The following DPEP3 variants were observed in gnomAD, a reference collection of about 807,000 sequenced individuals.
DPEP3 encodes dipeptidase 3.
In DPEP3, 42 loss-of-function variants were observed where a neutral mutation model predicts 47.5. That is an observed-to-expected ratio of 0.88 (90% CI 0.69 to 1.14). DPEP3 has a LOEUF of 1.14. Among genes scored for constraint, DPEP3 ranks in the 50% most tolerant of loss-of-function variants. The pLI is 0.00. For synonymous variants in DPEP3, 276 were observed against 270.2 expected, an observed-to-expected ratio of 1.02 and a Z score of -0.21; for missense variants, 560 against 635.0, an observed-to-expected ratio of 0.88 and a Z score of 1.27.
Position 67,975,750 on chromosome 16 carries a change from CGG to C in DPEP3, c.*13_*14del, listed in dbSNP as rs1567433203. 1 of 1,602,358 alleles carries C rather than the reference CGG, an allele frequency of 6.2e-7. No homozygotes were observed. Among genetic ancestry groups the C allele is most frequent in the Non-Finnish European group, 8.5e-7 (1 of 1,174,254 alleles). Reference sequence around the variant, plus strand: ...TGAGGCTTTGCCACAGTGACCTCTGCGGGGACCGACTGTGTCAGCAGAGCCAC... The same window carrying C: ...TGAGGCTTTGCCACAGTGACCTCTGCGGACCGACTGTGTCAGCAGAGCCAC... On this transcript the variant is annotated 3_prime_UTR_variant, in exon 10 of 10. Coordinates refer to ENST00000268793, the MANE Select transcript of DPEP3 (RefSeq NM_001370198.1).
In DPEP3 at chr16:67,980,178, C is replaced by A; in HGVS notation, c.203G>T (p.Gly68Val). 6.2e-7 allele frequency: 1 copy of A among 1,611,558 alleles called. No individual in the cohort carries two copies. Among genetic ancestry groups the A allele is most frequent in the African/African-American group, 1.3e-5 (1 of 74,946 alleles). ...TTTGGGGGTGCCTGGCGTAGTGAGGCCTGGGGTAGTGAGGGCGCTGGGGAC... is the reference window on the plus strand; with the variant it reads ...TTTGGGGGTGCCTGGCGTAGTGAGGACTGGGGTAGTGAGGGCGCTGGGGAC... The part of the protein sequence containing the change: ...PGVPSALTTP[G>V]LTTPGTPKTL... The change falls in exon 1 of 10, where the codon GGC (glycine) becomes GTC (valine). Residue 68 changes from glycine (G) to valine (V), a missense_variant. Physicochemically the swap from Gly to Val is moderately radical, Grantham distance 109 (BLOSUM62 -3). Transcript: ENST00000268793.
In DPEP3 at chr16:67,978,580, A is replaced by G. The variant is rs776568153; in HGVS notation, c.461T>C (p.Val154Ala). 1 of 1,613,962 alleles carries G rather than the reference A, an allele frequency of 6.2e-7. No homozygotes were observed. Among genetic ancestry groups the G allele is most frequent in the Non-Finnish European group, 8.5e-7 (1 of 1,179,924 alleles). ...GTCAATCTGCTCCAGGGCGAGGCGC[A>G]CGGCAGTCTGGTCCTGGGACTGGCA... ...VSCQSQDQTA[V>A]RLALEQIDLI... Residue 154 changes from valine to alanine, a missense_variant, in exon 3 of 10, where the codon GTG (valine) becomes GCG (alanine). Transcript: ENST00000268793. The surrounding 1 kb of genome is among the most constrained non-coding windows in gnomAD (Gnocchi z 4.4).
chr16:67,976,057 A>C (rs748909638), intron 9 of DPEP3, 36 bp downstream of exon 9: 5 of 1,613,858 alleles, frequency 3.1e-6, no homozygotes, highest in Non-Finnish European at 3.4e-6. Context: ...CCCCTTCTCA[A>C]ACCACTGAAC....
Position 67,980,273 on chromosome 16 carries a change from C to T in DPEP3, c.108G>A (p.Ala36=). Residue 36 remains alanine (A), a synonymous_variant, in exon 1 of 10, where the codon GCG becomes GCA. Coordinates refer to ENST00000268793, the MANE Select transcript of DPEP3 (RefSeq NM_001370198.1). ...LLLLRQPVTR[A]ETTPGAPRAL... ...CTCTGGGGGCGCCCGGCGTGGTCTCCGCGCGGGTTACGGGCTGCCGCAGCA... is the reference window on the plus strand; with the variant it reads ...CTCTGGGGGCGCCCGGCGTGGTCTCTGCGCGGGTTACGGGCTGCCGCAGCA... The T allele has an allele frequency of 1.9e-6, 3 of 1,590,524 alleles. No homozygotes were observed. The highest frequency in any genetic ancestry group is 2.6e-6 in the Non-Finnish European group (3 of 1,170,118).
At chr16:67,976,356 T>G in intron 8 of DPEP3, 128 bp from the exon 9 acceptor site, 1 of 1,314,104 alleles carries the variant, frequency 7.6e-7, no homozygotes, top group Non-Finnish European at 1.0e-6. Flanking sequence ...GAATGCAACC[T>G]TGGAGGCTCC....
In DPEP3 at chr16:67,980,156, G is replaced by T; in HGVS notation, c.225C>A (p.Pro75=). ...CGCGACCCCGAAGGTCCAGGGTTTT[G>T]GGGGTGCCTGGCGTAGTGAGGCCTG... ...TTPGLTTPGT[P]KTLDLRGRAQ... is the part of the protein sequence containing the mutation. Residue 75 remains proline, a synonymous_variant, in exon 1 of 10, where the codon CCC becomes CCA. Transcript: ENST00000268793. 6.2e-7 allele frequency: 1 copy of T among 1,612,572 alleles called. No individual in the cohort carries two copies. Among genetic ancestry groups the T allele is most frequent in the Non-Finnish European group, 8.5e-7 (1 of 1,179,338 alleles).
intron 7 of DPEP3, 115 bp downstream of exon 7, chr16:67,977,155 G>T: frequency 5.8e-6 from 5 of 859,890 alleles, no homozygotes; most frequent in Non-Finnish European, 3.7e-6. Context: ...CTGCCTCTGG[G>T]TCGTTGGGAG....
chr16:67,980,431 AGGCCGACAATGG>A lies in DPEP3; in HGVS notation c.-63_-52del. Reference sequence around the variant, plus strand: ...CCTGGGAGGAGCAGGCGATGGGCAGAGGCCGACAATGGGGTCCGGATCATGACGACCCAGCCT... The same window carrying A: ...CCTGGGAGGAGCAGGCGATGGGCAGAGGTCCGGATCATGACGACCCAGCCT... On this transcript the variant is annotated 5_prime_UTR_variant, in exon 1 of 10. Coordinates refer to ENST00000268793, the MANE Select transcript of DPEP3 (RefSeq NM_001370198.1). 1 of 1,478,536 alleles carries A rather than the reference AGGCCGACAATGG, an allele frequency of 6.8e-7. No individual in the cohort carries two copies. The highest frequency in any genetic ancestry group is 9.0e-7 in the Non-Finnish European group (1 of 1,115,240). The allele number at this position is 1,478,536 out of a possible 1,614,324, so 91.6% of individuals were successfully genotyped here.
rs1567433389 is a variant in DPEP3 at position 67,976,006 on chromosome 16, G to A, written c.1231-5C>T. The A allele has an allele frequency of 6.2e-7, 1 of 1,613,648 alleles. No individual in the cohort carries two copies. Among genetic ancestry groups the A allele is most frequent in the Non-Finnish European group, 8.5e-7 (1 of 1,179,588 alleles). On this transcript the variant is annotated splice_region_variant and splice_polypyrimidine_tract_variant and intron_variant, in intron 9 of 9. Coordinates refer to ENST00000268793, the MANE Select transcript of DPEP3 (RefSeq NM_001370198.1). ...CGCCCTGCTCTCCTCTCTCACCTGG[G>A]GGAGGAAGTCCGCAGTCAGAGGCTC...
Position 67,978,279 on chromosome 16 carries a change from C to T in DPEP3, c.674G>A (p.Cys225Tyr), listed in dbSNP as rs1381480194. 1.2e-6 allele frequency: 2 copies of T among 1,614,110 alleles called. No individual in the cohort carries two copies. Among genetic ancestry groups the T allele is most frequent in the Non-Finnish European group, 1.7e-6 (2 of 1,180,004 alleles). Residue 225 changes from cysteine to tyrosine, a missense_variant, in exon 4 of 10, where the codon TGC becomes TAC. Cys to Tyr is a radical substitution (Grantham distance 194). Coordinates refer to ENST00000268793, the MANE Select transcript of DPEP3 (RefSeq NM_001370198.1). This position sits in a 1 kb window ranked among gnomAD's most constrained non-coding sequence, Gnocchi z 4.4. ...GVRYLTLTFT[C>Y]STPWAESSTK... ...GTGTTATGCTCACCATGGTGTACTGCAGGTGAAGGTAAGTGTCAGGTAGCG... is the reference window on the plus strand; with the variant it reads ...GTGTTATGCTCACCATGGTGTACTGTAGGTGAAGGTAAGTGTCAGGTAGCG...
Position 67,980,422 on chromosome 16 carries a change from G to A in DPEP3, c.-42C>T, listed in dbSNP as rs1267260753. 5 of 1,486,498 alleles carry A rather than the reference G, an allele frequency of 3.4e-6. No individual in the cohort carries two copies. Among genetic ancestry groups the A allele is most frequent in the South Asian group, 1.4e-5 (1 of 73,838 alleles). The allele number at this position is 1,486,498 out of a possible 1,614,324, so 92.1% of individuals were successfully genotyped here. On this transcript the variant is annotated 5_prime_UTR_variant, in exon 1 of 10. Coordinates refer to ENST00000268793, the MANE Select transcript of DPEP3 (RefSeq NM_001370198.1). ...CCGCGGGAGCCTGGGAGGAGCAGGC[G>A]ATGGGCAGAGGCCGACAATGGGGTC...
chr16:67,977,571 A>C, intron 6 of DPEP3, 82 bp downstream of exon 6: 1 of 1,492,914 alleles, frequency 6.7e-7, no homozygotes, highest in Non-Finnish European at 9.0e-7. Flanking sequence ...GGTGTGTGAA[A>C]CCTGGGCTGG....
At chr16:67,976,582 G>T in intron 8 of DPEP3, 118 bp downstream of exon 8, 1 of 949,858 alleles carries the variant, frequency 1.1e-6, no homozygotes, top group Non-Finnish European at 1.6e-6. Context: ...GTGTCAGGTG[G>T]GATAGGAGAC....
In DPEP3 at chr16:67,979,757, T is replaced by A; in HGVS notation, c.296A>T (p.Asp99Val). 2 of 1,613,824 alleles carry A rather than the reference T, an allele frequency of 1.2e-6. No homozygotes were observed. The highest frequency in any genetic ancestry group is 1.6e-4 in the Middle Eastern group (1 of 6,062). Residue 99 changes from aspartate (D) to valine (V), a missense_variant, in exon 2 of 10, where the codon GAC becomes GTC. Physicochemically the swap from Asp to Val is radical, Grantham distance 152. Coordinates refer to ENST00000268793, the MANE Select transcript of DPEP3 (RefSeq NM_001370198.1). ...RSFPLVDGHN[D>V]LPQVLRQRYK... is the part of the protein sequence containing the mutation. ...ACGCTGTCTCAGGACCTGGGGCAGG[T>A]CATTGTGGCTGGGGGTGTGAAGGTC...
At position 67,977,609 on chromosome 16, in the gene DPEP3, T is replaced by C. The variant is rs372356632; in HGVS notation, c.933+44A>G. ...GCTTTGTGCTCAGGGTCAAGAACCT[T>C]TGGATAACACATGCCTAGTTTGAGA... On this transcript the variant is annotated intron_variant, in intron 6 of 9. Coordinates refer to ENST00000268793, the MANE Select transcript of DPEP3 (RefSeq NM_001370198.1). 5.1e-6 allele frequency: 8 copies of C among 1,577,414 alleles called. No homozygotes were observed. The Admixed American group carries it at 5.5e-5, about 11-fold the overall frequency.
In DPEP3 at chr16:67,978,312, A is replaced by G. The variant is rs772509224; in HGVS notation, c.641T>C (p.Leu214Pro). 9.3e-6 allele frequency: 15 copies of G among 1,614,202 alleles called. No homozygotes were observed. Among genetic ancestry groups the G allele is most frequent in the Non-Finnish European group, 1.3e-5 (15 of 1,180,032 alleles). ...SLSVLRSFYV[L>P]GVRYLTLTFT... The stretch of plus-strand genomic sequence containing the variant: ...GGTAAGTGTCAGGTAGCGCACCCCC[A>G]GCACATAGAAACTGCGCAGCACAGA... The change falls in exon 4 of 10, where the codon CTG becomes CCG. Residue 214 changes from leucine (L) to proline (P), a missense_variant. Leu to Pro is a moderately conservative substitution (Grantham distance 98). Coordinates refer to ENST00000268793, the MANE Select transcript of DPEP3 (RefSeq NM_001370198.1). The surrounding 1 kb of genome is among the most constrained non-coding windows in gnomAD (Gnocchi z 4.4).
intron 5 of DPEP3, 30 bp from the exon 6 acceptor site, chr16:67,977,859 G>A: frequency 6.2e-7 from 1 of 1,613,642 alleles, no homozygotes; most frequent in Non-Finnish European, 8.5e-7. Flanking sequence ...TTTTTGTGGG[G>A]GAGGGTGTTG....
rs911911509 is a variant in DPEP3, at chr16:67,975,726, G to A, written c.*39C>T. On this transcript the variant is annotated 3_prime_UTR_variant, in exon 10 of 10. Transcript: ENST00000268793. The stretch of plus-strand genomic sequence containing the variant: ...AATGAACTAGGAGAGGGGGCTTTGT[G>A]AGGCTTTGCCACAGTGACCTCTGCG... 2 of 1,566,066 alleles carry A rather than the reference G, an allele frequency of 1.3e-6. No individual in the cohort carries two copies. The highest frequency in any genetic ancestry group is 2.7e-5 in the African/African-American group (2 of 73,926).
rs771890646 is a variant in DPEP3, at chr16:67,977,998, ACT to A, written c.694_695del (p.Ser232PhefsTer20). 4 of 1,613,682 alleles carry A rather than the reference ACT, an allele frequency of 2.5e-6. No individual in the cohort carries two copies. The highest frequency in any genetic ancestry group is 2.7e-5 in the African/African-American group (2 of 74,918). On this transcript the variant is annotated frameshift_variant, in exon 5 of 10. Coordinates refer to ENST00000268793, the MANE Select transcript of DPEP3 (RefSeq NM_001370198.1). LOFTEE classifies it high-confidence loss of function. ...ACATGTGGTGTCTGAACTTGGTGGA[ACT>A]CTCTGCCCTGCAGGACAGCCATGGA... ...TFTCSTPWAE[S>X]STKFRHHMYT...
Sources: allele counts gnomAD v4.1 joint callset, GRCh38; gene constraint gnomAD v4.1.1; non-coding constraint Gnocchi (gnomAD v3.1); transcripts MANE v1.5; gene names NCBI Gene and HGNC (gene_info 2026-07-23, HGNC 2026-07-21).